Variants in CTDSPL observed in about 807,000 individuals in gnomAD.
CTDSPL encodes the protein CTD small phosphatase-like protein.
In CTDSPL, 8 loss-of-function variants were observed where a neutral mutation model predicts 30.5. That is an observed-to-expected ratio of 0.26 (90% confidence interval 0.15 to 0.47). The LOEUF is 0.47. Ranked by LOEUF, CTDSPL falls within the 20% of genes least tolerant of loss-of-function variation. The probability of loss-of-function intolerance (pLI) is 0.99; values close to 1 mark genes in which losing one functional copy is unlikely to be tolerated. For synonymous variants in CTDSPL, 110 were observed against 137.9 expected (o/e 0.80, Z 1.42); for missense variants, 248 against 366.1 (o/e 0.68, Z 2.63).
chr3:37,865,760 AAG>A (rs1054548688), intron 1 of CTDSPL, among the ~76,000 whole-genome samples: 1 of 152,166 alleles, frequency 6.6e-6, no homozygotes, highest in African/African-American at 2.4e-5. Flanking sequence ...GGGCTGGAAA[AAG>A]AGTGCCAGTC....
chr3:37,919,750 A>G (rs1001061502), intron 1 of CTDSPL, among the ~76,000 whole-genome samples: 1 of 152,202 alleles, frequency 6.6e-6, no homozygotes, highest in African/African-American at 2.4e-5. Context: ...TGGAGTCTCC[A>G]TCAGCATCTG....
intron 1 of CTDSPL, among the ~76,000 whole-genome samples, chr3:37,902,337 A>G (rs1283886865): frequency 1.3e-5 from 2 of 152,172 alleles, no homozygotes; most frequent in African/African-American, 4.8e-5. Context: ...TTCAACCTGC[A>G]AGAGGTTACC....
intron 1 of CTDSPL, among the ~76,000 whole-genome samples, chr3:37,892,233 A>G (rs1698336023): frequency 6.6e-6 from 1 of 152,190 alleles, no homozygotes; most frequent in Non-Finnish European, 1.5e-5. Context: ...TTAGCAAGTT[A>G]TTTAAACTCT....
In CTDSPL at chr3:37,928,346, A is replaced by G. The variant is rs1415401950; in HGVS notation, c.80-18711A>G. Among the ~76,000 whole-genome samples, 3 of 152,342 alleles carry G rather than the reference A, an allele frequency of 2.0e-5. No individual in the cohort carries two copies. The East Asian group carries it at 5.8e-4, about 29-fold the overall frequency. On this transcript the variant is annotated intron_variant, in intron 1 of 7. Transcript: ENST00000273179. ...GCTATACCATTTTACATTTTCACTA[A>G]CAATGCACAAGCATTTCAGTTCCTC...
chr3:37,980,699 G>T (rs752120943), intron 7 of CTDSPL, 43 bp from the exon 8 acceptor site: 10 of 1,610,304 alleles, frequency 6.2e-6, no homozygotes, highest in Non-Finnish European at 8.5e-6. Context: ...AGCCCCCAGC[G>T]CTAGATGCAG....
chr3:37,862,346 C>A lies in CTDSPL; in HGVS notation c.79+68C>A. 7.5e-7 allele frequency: 1 copy of A among 1,334,666 alleles called. No homozygotes were observed. Among genetic ancestry groups the A allele is most frequent in the Non-Finnish European group, 9.7e-7 (1 of 1,030,462 alleles). 82.7% of individuals were successfully genotyped at this position (1,334,666 alleles called of 1,614,324 possible). A position where few individuals can be genotyped will look rare whatever the true frequency, so the allele number is the denominator to read the frequency against. ...CACCCCGCGCCGCTGGAGTTCACTG[C>A]CGGGCGCCGGCATGGGCCTGGGGGA... On this transcript the variant is annotated intron_variant, in intron 1 of 7. Transcript: ENST00000273179. This position sits in a 1 kb window ranked among gnomAD's most constrained non-coding sequence, Gnocchi z 4.3.
intron 2 of CTDSPL, among the ~76,000 whole-genome samples, chr3:37,955,623 T>C (rs867303668): frequency 1.3e-5 from 2 of 152,146 alleles, no homozygotes; most frequent in African/African-American, 4.8e-5. Context: ...TTCTCACTTA[T>C]AAGTGAGAGC....
At chr3:37,949,324 G>A (rs573917151) in intron 2 of CTDSPL, among the ~76,000 whole-genome samples, 1 of 151,892 alleles carries the variant, frequency 6.6e-6, no homozygotes, top group Non-Finnish European at 1.5e-5. Context: ...TCCCCTTTAT[G>A]GACATAATTA....
intron 1 of CTDSPL, among the ~76,000 whole-genome samples, chr3:37,935,547 G>A (rs1168055344): frequency 2.6e-5 from 4 of 152,186 alleles, no homozygotes; most frequent in Non-Finnish European, 5.9e-5. Flanking sequence ...TAGAAGCTAT[G>A]TGACCTTGGT....
intron 1 of CTDSPL, among the ~76,000 whole-genome samples, chr3:37,900,164 G>A (rs767963066): frequency 2.3e-4 from 35 of 152,164 alleles, no homozygotes; most frequent in African/African-American, 4.8e-5. Context: ...TCATGTCATC[G>A]TCACCATTCT....
chr3:37,927,631 AATAT>A (rs560490951), intron 1 of CTDSPL, among the ~76,000 whole-genome samples: 11 of 106,740 alleles, frequency 1.0e-4, no homozygotes, highest in African/African-American at 4.1e-4. Context: ...TTAAAAGAAA[AATAT>A]ATGTGTGTGT....
rs949031641 is a variant in CTDSPL, at chr3:37,964,793, A to G, written c.369+121A>G. ...TAGTGTGTGACTTCACTCTTCATGT[A>G]GAAATCCCAGGAGCTGCTTATTAAC... On this transcript the variant is annotated intron_variant, in intron 4 of 7. Coordinates refer to ENST00000273179, the MANE Select transcript of CTDSPL (RefSeq NM_001008392.2). The G allele has an allele frequency of 1.2e-5, 8 of 674,384 alleles. No individual in the cohort carries two copies. In the South Asian group the frequency reaches 1.2e-4, roughly 10 times the overall value. The allele number at this position is 674,384 out of a possible 1,614,324, so 41.8% of individuals were successfully genotyped here. A position where few individuals can be genotyped will look rare whatever the true frequency, so the allele number is the denominator to read the frequency against.
chr3:37,882,198 T>C (rs1216524527), intron 1 of CTDSPL, among the ~76,000 whole-genome samples: 1 of 151,984 alleles, frequency 6.6e-6, no homozygotes, highest in African/African-American at 2.4e-5. Context: ...ATCCTAGCAC[T>C]TTGGGAGGCC....
intron 1 of CTDSPL, among the ~76,000 whole-genome samples, chr3:37,915,899 AT>A (rs1322876006): frequency 5.3e-5 from 8 of 152,234 alleles, no homozygotes; most frequent in Non-Finnish European, 8.8e-5. Context: ...TGATGATGTT[AT>A]CTTTCCTTAG....
intron 1 of CTDSPL, chr3:37,944,802 T>C (rs1162992074): frequency 6.7e-6 from 1 of 150,320 alleles, no homozygotes; most frequent in Non-Finnish European, 1.5e-5. Flanking sequence ...AGGAAAGACC[T>C]GGGTAAGCTC....
At chr3:37,876,237 G>T (rs535045853) in intron 1 of CTDSPL, among the ~76,000 whole-genome samples, 3 of 151,670 alleles carry the variant, frequency 2.0e-5, no homozygotes, top group Non-Finnish European at 2.9e-5. Context: ...GAGCAAGACC[G>T]TGTCTCATTA....
chr3:37,916,549 G>A (rs1400447727), intron 1 of CTDSPL, among the ~76,000 whole-genome samples: 2 of 152,108 alleles, frequency 1.3e-5, no homozygotes, highest in African/African-American at 4.8e-5. Context: ...GACACACATA[G>A]GGAGAAGATG....
chr3:37,929,170 A>G lies in CTDSPL; in HGVS notation c.80-17887A>G, dbSNP rs116125592. 6.5e-3 allele frequency among the ~76,000 whole-genome samples: 986 copies of G among 152,180 alleles called. 27 individuals are homozygous for G. In the South Asian group the frequency reaches 0.077, roughly 12 times the overall value. On this transcript the variant is annotated intron_variant, in intron 1 of 7. Coordinates refer to ENST00000273179, the MANE Select transcript of CTDSPL (RefSeq NM_001008392.2). ...CTTTATGCCAGTACCATACTATTTT[A>G]ATTACCATAGCTTTGTAATTTGTTT...
intron 1 of CTDSPL, among the ~76,000 whole-genome samples, chr3:37,879,206 A>G (rs1575278564): frequency 6.6e-6 from 1 of 152,238 alleles, no homozygotes; most frequent in African/African-American, 2.4e-5. Context: ...AACCCAGTTC[A>G]TATAGAGATC....
Sources: allele counts gnomAD v4.1 joint callset (sites outside exome capture counted in the v4.1 genomes callset), GRCh38; gene constraint gnomAD v4.1.1; non-coding constraint Gnocchi (gnomAD v3.1); transcripts MANE v1.5; gene names NCBI Gene and HGNC (gene_info 2026-07-23, HGNC 2026-07-21).